Variants in INTU observed in about 807,000 individuals in gnomAD.
The protein encoded by INTU is protein inturned.
INTU carries 68 observed loss-of-function variants against 100.5 expected under a neutral mutation model. The observed-to-expected ratio is 0.68, with a 90% confidence interval of 0.56 to 0.83. The LOEUF (loss-of-function observed/expected upper bound fraction) is 0.83. Ranked by LOEUF, INTU falls within the 40% of genes least tolerant of loss-of-function variation. The pLI is 0.00. For missense variants in INTU, 1,071 were observed against 1,114.7 expected (o/e 0.96, Z 0.56); for synonymous variants, 357 against 395.7 (o/e 0.90, Z 1.16).
intron 1 of INTU, among the ~76,000 whole-genome samples, chr4:127,639,381 T>C (rs544279051): frequency 6.6e-6 from 1 of 152,266 alleles, no homozygotes; most frequent in Admixed American, 6.5e-5. Context: ...TGGAAGAGTA[T>C]AGTCACTAAG....
chr4:127,688,873 T>TG (rs151137159), intron 8 of INTU, among the ~76,000 whole-genome samples: 1,817 of 151,774 alleles, frequency 0.012, 39 homozygotes, highest in African/African-American at 0.042. Flanking sequence ...CCTTCTGGTA[T>TG]TTTTTTTGTC....
At chr4:127,696,533 C>CT (rs1411633797) in intron 8 of INTU, among the ~76,000 whole-genome samples, 1 of 151,826 alleles carries the variant, frequency 6.6e-6, no homozygotes, top group African/African-American at 2.4e-5. Flanking sequence ...TGCCCCCCCC[C>CT]TTTCATTTCT....
intron 14 of INTU, among the ~76,000 whole-genome samples, chr4:127,711,768 C>T (rs936715768): frequency 6.6e-6 from 1 of 152,190 alleles, no homozygotes; most frequent in African/African-American, 2.4e-5. Context: ...GAAACCATCC[C>T]TCCCCCAGAA....
intron 2 of INTU, among the ~76,000 whole-genome samples, chr4:127,649,363 GACAGTCTAGA>G (rs1727728637): frequency 6.6e-6 from 1 of 152,120 alleles, no homozygotes; most frequent in Non-Finnish European, 1.5e-5. Flanking sequence ...TCTTTGAAAA[GACAGTCTAGA>G]ACAAAGACTC....
At chr4:127,702,895 C>T (rs1019338716) in intron 9 of INTU, among the ~76,000 whole-genome samples, 1 of 152,102 alleles carries the variant, frequency 6.6e-6, no homozygotes, top group Non-Finnish European at 1.5e-5. Context: ...CCTGCTCAGC[C>T]TGGCCCTAAT....
intron 6 of INTU, among the ~76,000 whole-genome samples, chr4:127,680,336 A>G (rs1351312134): frequency 3.3e-5 from 5 of 149,956 alleles, no homozygotes; most frequent in East Asian, 2.0e-4. Context: ...CTTGATGAAC[A>G]TTGATGCAAA....
At chr4:127,660,898 T>C (rs1728447881) in intron 3 of INTU, among the ~76,000 whole-genome samples, 1 of 152,164 alleles carries the variant, frequency 6.6e-6, no homozygotes, top group African/African-American at 2.4e-5. Flanking sequence ...ATAATATCCC[T>C]AATATTTATG....
At chr4:127,663,671 A>G in intron 4 of INTU, 87 bp downstream of exon 4, 1 of 950,890 alleles carries the variant, frequency 1.1e-6, no homozygotes, top group Non-Finnish European at 1.6e-6. Context: ...TTCCCAGTGA[A>G]TAGTGAGTAT....
At chr4:127,639,761 T>C (rs1218552097) in intron 1 of INTU, among the ~76,000 whole-genome samples, 1 of 152,172 alleles carries the variant, frequency 6.6e-6, no homozygotes, top group African/African-American at 2.4e-5. Context: ...ATCATTTCTT[T>C]GTGATGAGAA....
chr4:127,669,933 A>C (rs1343585869), intron 5 of INTU, among the ~76,000 whole-genome samples: 1 of 151,938 alleles, frequency 6.6e-6, no homozygotes, highest in Non-Finnish European at 1.5e-5. Flanking sequence ...AAGCAAATGC[A>C]GCAAAACCAA....
At chr4:127,678,523 A>G (rs1729349159) in intron 6 of INTU, among the ~76,000 whole-genome samples, 1 of 152,194 alleles carries the variant, frequency 6.6e-6, no homozygotes, top group Non-Finnish European at 1.5e-5. Context: ...TGAAGGAGAA[A>G]TAAAATACTT....
At chr4:127,688,436 T>A (rs565133767) in intron 8 of INTU, among the ~76,000 whole-genome samples, 2 of 152,316 alleles carry the variant, frequency 1.3e-5, no homozygotes, top group South Asian at 4.1e-4. Flanking sequence ...ATTGACAAGA[T>A]TATTTCAGAC....
rs535709512 is a variant in INTU, at chr4:127,698,355, G to A, written c.1450-1655G>A. On this transcript the variant is annotated intron_variant, in intron 8 of 15. Transcript: ENST00000335251. ...CGGGCGCCTGTAGTCCCAGCTACTC[G>A]GGAGGCAGAGGCAGGAGAATGGCAT... is the stretch of plus-strand genomic sequence containing the variant. Among the ~76,000 whole-genome samples, 4 of 151,950 alleles carry A rather than the reference G, an allele frequency of 2.6e-5. No homozygotes were observed. In the South Asian group the frequency reaches 8.3e-4, roughly 32 times the overall value.
chr4:127,705,734 C>T lies in INTU; in HGVS notation c.1710C>T (p.His570=), dbSNP rs1468628982. ...IIWREVFPQH[H]LRPLADSSTE... is the part of the protein sequence containing the mutation. The stretch of plus-strand genomic sequence containing the variant: ...GGAGAGAAGTGTTTCCTCAGCATCA[C>T]CTCCGACCTTTGGCAGACTCAAGCA... The change falls in exon 11 of 16, where the codon CAC becomes CAT. Residue 570 remains histidine, a synonymous_variant. Coordinates refer to ENST00000335251, the MANE Select transcript of INTU (RefSeq NM_015693.4). 3 of 1,613,990 alleles carry T rather than the reference C, an allele frequency of 1.9e-6. No homozygotes were observed. Among genetic ancestry groups the T allele is most frequent in the Non-Finnish European group, 1.7e-6 (2 of 1,179,982 alleles).
chr4:127,655,740 G>A (rs936729697), intron 2 of INTU, among the ~76,000 whole-genome samples: 32 of 152,310 alleles, frequency 2.1e-4, no homozygotes, highest in Admixed American at 2.0e-3. Flanking sequence ...TTGAGCTGTG[G>A]TGGGCTCCAC....
chr4:127,651,702 G>C (rs895043800), intron 2 of INTU, among the ~76,000 whole-genome samples: 23 of 151,876 alleles, frequency 1.5e-4, no homozygotes, highest in Non-Finnish European at 2.4e-4. Flanking sequence ...GGCGATGCGG[G>C]CTCTTTTTTG....
At position 127,706,489 on chromosome 4, in the gene INTU, A is replaced by G; in HGVS notation, c.1791A>G (p.Lys597=). 6.3e-7 allele frequency: 1 copy of G among 1,591,328 alleles called. No homozygotes were observed. Among genetic ancestry groups the G allele is most frequent in the Non-Finnish European group, 8.6e-7 (1 of 1,168,218 alleles). ...GRYFLLVVGL[K]HYMLCVLLEA... The stretch of plus-strand genomic sequence containing the variant: ...ATTTGTAATTTTTTTCCCTATAGAA[A>G]CATTATATGCTATGTGTACTATTAG... Residue 597 remains lysine, a splice_region_variant and synonymous_variant, in exon 12 of 16, where the codon AAA becomes AAG. Coordinates refer to ENST00000335251, the MANE Select transcript of INTU (RefSeq NM_015693.4).
intron 4 of INTU, among the ~76,000 whole-genome samples, chr4:127,665,030 G>C (rs534438932): frequency 1.3e-5 from 2 of 151,624 alleles, no homozygotes; most frequent in Non-Finnish European, 2.9e-5. Context: ...AGATACTAAA[G>C]TGAAACACTA....
chr4:127,634,598 C>CATGT (rs1300439136), intron 1 of INTU, among the ~76,000 whole-genome samples: 1 of 152,174 alleles, frequency 6.6e-6, no homozygotes, highest in Non-Finnish European at 1.5e-5. Context: ...ATTCAAAATA[C>CATGT]ATGTATGTAT....
Sources: allele counts gnomAD v4.1 joint callset (sites outside exome capture counted in the v4.1 genomes callset), GRCh38; gene constraint gnomAD v4.1.1; transcripts MANE v1.5; gene names NCBI Gene and HGNC (gene_info 2026-07-23, HGNC 2026-07-21).